The following PTER variants were observed in gnomAD, a reference collection of about 807,000 sequenced individuals.
PTER encodes the protein phosphotriesterase related.
PTER carries 38 observed loss-of-function variants against 29.6 expected under a neutral mutation model. The observed-to-expected ratio is 1.28, with a 90% CI of 0.99 to 1.68. The LOEUF is 1.68. Among genes scored for constraint, PTER ranks in the 40% most tolerant of loss-of-function variants. The pLI is 0.00. For missense variants in PTER, 482 were observed against 427.8 expected, an observed-to-expected ratio of 1.13 and a Z score of -1.12; for synonymous variants, 172 against 154.5, an observed-to-expected ratio of 1.11 and a Z score of -0.84.
At chr10:16,445,222 T>TTAAAA (rs1833974818) in intron 1 of PTER, among the ~76,000 whole-genome samples, 1 of 152,062 alleles carries the variant, frequency 6.6e-6, no homozygotes, top group Non-Finnish European at 1.5e-5. Context: ...TTAAGTCGAG[T>TTAAAA]ATGGTTTTAA....
intron 1 of PTER, among the ~76,000 whole-genome samples, chr10:16,457,388 A>G (rs1051294464): frequency 6.6e-6 from 1 of 151,354 alleles, no homozygotes; most frequent in African/African-American, 2.4e-5. Flanking sequence ...AATTTTTTGT[A>G]TTTTTTAGTA....
chr10:16,514,101 C>T (rs1021786255), downstream of PTER: 4 of 386,552 alleles, frequency 1.0e-5, no homozygotes, highest in Non-Finnish European at 1.8e-5. Flanking sequence ...TCATTCTTCC[C>T]CACACTATGA....
chr10:16,438,017 C>CT (rs952176041), intron 1 of PTER, among the ~76,000 whole-genome samples: 5 of 151,972 alleles, frequency 3.3e-5, no homozygotes, highest in Middle Eastern at 3.2e-3. Flanking sequence ...TTTTCTTTTG[C>CT]TTTTTTTAAA....
chr10:16,471,482 C>A (rs1001263273), intron 1 of PTER, among the ~76,000 whole-genome samples: 1 of 152,104 alleles, frequency 6.6e-6, no homozygotes, highest in African/African-American at 2.4e-5. Flanking sequence ...AATGGTCGAT[C>A]TTCACTCCTC....
intron 1 of PTER, among the ~76,000 whole-genome samples, chr10:16,447,574 A>G (rs1472706901): frequency 6.6e-6 from 1 of 152,114 alleles, no homozygotes; most frequent in Non-Finnish European, 1.5e-5. Flanking sequence ...AGCATTAAGG[A>G]CAATTTTTTA....
At chr10:16,467,434 G>C (rs996207386) in intron 1 of PTER, among the ~76,000 whole-genome samples, 1 of 152,140 alleles carries the variant, frequency 6.6e-6, no homozygotes, top group Non-Finnish European at 1.5e-5. Flanking sequence ...ACTGTGGATA[G>C]TAAGGGAAAG....
chr10:16,484,002 TC>T (rs1835583381), intron 1 of PTER, among the ~76,000 whole-genome samples: 1 of 152,162 alleles, frequency 6.6e-6, no homozygotes, highest in Non-Finnish European at 1.5e-5. Flanking sequence ...TGTTGATTTA[TC>T]CAAGAATGCA....
At chr10:16,443,553 C>T (rs1193621273) in intron 1 of PTER, among the ~76,000 whole-genome samples, 5 of 152,206 alleles carry the variant, frequency 3.3e-5, no homozygotes, top group Non-Finnish European at 5.9e-5. Flanking sequence ...AGTTCAGGAA[C>T]TTCTTTTTAA....
intron 1 of PTER, among the ~76,000 whole-genome samples, chr10:16,449,723 T>G (rs1343631765): frequency 6.6e-6 from 1 of 152,142 alleles, no homozygotes; most frequent in Non-Finnish European, 1.5e-5. Context: ...ATGCAGGTGC[T>G]CCTCTCACAA....
rs376049770 is a variant in PTER at position 16,457,273 on chromosome 10, C to G, written c.-49+20226C>G. Among the ~76,000 whole-genome samples the G allele has an allele frequency of 2.6e-5, 4 of 151,956 alleles. No homozygotes were observed. The East Asian group carries it at 7.7e-4, about 29-fold the overall frequency. On this transcript the variant is annotated intron_variant, in intron 1 of 4. Transcript: ENST00000535784. Reference sequence around the variant, plus strand: ...TGTTGCCCAGGCTGGAGTGCAGTGGCGCGATCTCGGCTCACTGCAAGCTCC... The same window carrying G: ...TGTTGCCCAGGCTGGAGTGCAGTGGGGCGATCTCGGCTCACTGCAAGCTCC...
At chr10:16,489,256 T>A (rs1223682705) in intron 3 of PTER, among the ~76,000 whole-genome samples, 4 of 152,222 alleles carry the variant, frequency 2.6e-5, no homozygotes, top group Admixed American at 2.6e-4. Context: ...CTGTTACCTA[T>A]TAAGTTCTAG....
intron 1 of PTER, among the ~76,000 whole-genome samples, chr10:16,471,958 A>G (rs913142522): frequency 9.9e-5 from 15 of 152,246 alleles, no homozygotes; most frequent in Non-Finnish European, 1.0e-4. Flanking sequence ...GCAAATTTGC[A>G]CTTTTGCCAG....
At chr10:16,509,534 A>G (rs959670746) in intron 4 of PTER, among the ~76,000 whole-genome samples, 1 of 152,230 alleles carries the variant, frequency 6.6e-6, no homozygotes, top group African/African-American at 2.4e-5. Context: ...CCCAGAAAAT[A>G]TCAGGGAGAA....
intron 3 of PTER, among the ~76,000 whole-genome samples, chr10:16,498,721 T>A (rs541151912): frequency 6.6e-6 from 1 of 152,372 alleles, no homozygotes; most frequent in South Asian, 2.1e-4. Flanking sequence ...ACAGGACCTC[T>A]GTTTAATCCT....
chr10:16,471,692 G>A (rs968898856), intron 1 of PTER, among the ~76,000 whole-genome samples: 6 of 151,988 alleles, frequency 3.9e-5, no homozygotes, highest in Non-Finnish European at 7.4e-5. Flanking sequence ...CAGAATATAA[G>A]AGCATTTTTC....
downstream of PTER, among the ~76,000 whole-genome samples, chr10:16,516,020 T>C (rs980305856): frequency 2.0e-5 from 3 of 152,292 alleles, no homozygotes; most frequent in African/African-American, 4.8e-5. Flanking sequence ...TCTTGTGATA[T>C]AGTCTCACGT....
At chr10:16,486,936 G>T (rs879927270) in intron 3 of PTER, 1 of 227,374 alleles carries the variant, frequency 4.4e-6, no homozygotes, top group Non-Finnish European at 8.7e-6. Context: ...TGTCTCATGG[G>T]ATGCTATCAA....
At chr10:16,477,290 AG>A (rs1266905925) in intron 1 of PTER, among the ~76,000 whole-genome samples, 7 of 142,112 alleles carry the variant, frequency 4.9e-5, no homozygotes, top group Non-Finnish European at 7.4e-5. Flanking sequence ...ATAGATAGAT[AG>A]ATAGATAGAT....
At chr10:16,485,424 C>T (rs1010691041) in intron 2 of PTER, among the ~76,000 whole-genome samples, 10 of 152,196 alleles carry the variant, frequency 6.6e-5, no homozygotes, top group East Asian at 1.9e-4. Flanking sequence ...CTTTTTTGCA[C>T]GTGTATGTGT....
Sources: allele counts gnomAD v4.1 joint callset (sites outside exome capture counted in the v4.1 genomes callset), GRCh38; gene constraint gnomAD v4.1.1; transcripts MANE v1.5; gene names NCBI Gene and HGNC (gene_info 2026-07-23, HGNC 2026-07-21).